Variants in SLC23A2 observed in about 807,000 individuals in gnomAD.
The protein encoded by SLC23A2 is solute carrier family 23 member 2, also known as Na(+)/L-ascorbic acid transporter 2.
In SLC23A2, 36 loss-of-function variants were observed where a neutral mutation model predicts 73.3. That is an observed-to-expected ratio of 0.49 (90% CI 0.38 to 0.65). The LOEUF is 0.65. Ranked by LOEUF, SLC23A2 falls within the 30% of genes least tolerant of loss-of-function variation. The pLI is 0.00. For missense variants in SLC23A2, 507 were observed against 841.6 expected, an observed-to-expected ratio of 0.60 and a Z score of 4.92; for synonymous variants, 343 against 327.3, an observed-to-expected ratio of 1.05 and a Z score of -0.52.
rs1396852501 is a variant in SLC23A2, at chr20:4,902,136, T to C, written c.324+306A>G. ...CTCCTGCCTCAGCCTCTTGAGTAGC[T>C]GGGACTGTGGGCACACACCACCACA... On this transcript the variant is annotated intron_variant, in intron 5 of 16. Coordinates refer to ENST00000338244, the MANE Select transcript of SLC23A2 (RefSeq NM_005116.6). This position sits in a 1 kb window ranked among gnomAD's most constrained non-coding sequence, Gnocchi z 4.0. Among the ~76,000 whole-genome samples the C allele has an allele frequency of 6.6e-6, 1 of 152,166 alleles. No individual in the cohort carries two copies. Among genetic ancestry groups the C allele is most frequent in the African/African-American group, 2.4e-5 (1 of 41,452 alleles).
chr20:4,983,846 T>C (rs1174891211), intron 1 of SLC23A2, among the ~76,000 whole-genome samples: 4 of 146,000 alleles, frequency 2.7e-5, no homozygotes, highest in South Asian at 2.2e-4. Context: ...ATCCCTGCTA[T>C]TCGGGAGGCT....
At chr20:4,861,219 G>C (rs1929953461) in intron 15 of SLC23A2, among the ~76,000 whole-genome samples, 3 of 152,226 alleles carry the variant, frequency 2.0e-5, no homozygotes, top group Non-Finnish European at 4.4e-5. Flanking sequence ...GGTGGGAGCA[G>C]GCGGTGATGG....
intron 1 of SLC23A2, among the ~76,000 whole-genome samples, chr20:5,008,874 C>A (rs2088219208): frequency 6.6e-6 from 1 of 152,072 alleles, no homozygotes; most frequent in African/African-American, 2.4e-5. Flanking sequence ...GCCCTACCAC[C>A]CTTGTCTTTG....
At chr20:4,879,299 C>T (rs557107624) in intron 9 of SLC23A2, among the ~76,000 whole-genome samples, 221 of 147,624 alleles carry the variant, frequency 1.5e-3, no homozygotes, top group African/African-American at 5.3e-3. Context: ...ATCCCAGCGA[C>T]TTGGGAGGCT....
chr20:4,877,985 A>C (rs1299106957), intron 9 of SLC23A2, among the ~76,000 whole-genome samples: 1 of 152,236 alleles, frequency 6.6e-6, no homozygotes, highest in Non-Finnish European at 1.5e-5. Flanking sequence ...AATCATGTAG[A>C]TAATACACAT....
chr20:4,909,469 T>C (rs971408824), intron 4 of SLC23A2, among the ~76,000 whole-genome samples: 12 of 152,194 alleles, frequency 7.9e-5, no homozygotes, highest in Admixed American at 3.9e-4. Flanking sequence ...TAGACAATCA[T>C]GTTAAAATGA....
chr20:4,877,815 T>C (rs561498693), intron 9 of SLC23A2, among the ~76,000 whole-genome samples: 1 of 152,274 alleles, frequency 6.6e-6, no homozygotes, highest in Admixed American at 6.5e-5. Context: ...AATAAAAAAA[T>C]AAGTTTTAAA....
chr20:4,967,631 T>C (rs1029636334), intron 2 of SLC23A2, among the ~76,000 whole-genome samples: 3 of 152,222 alleles, frequency 2.0e-5, no homozygotes, highest in African/African-American at 7.2e-5. Flanking sequence ...AAATGAGACA[T>C]TGACGTCAAC....
At chr20:4,858,461 G>C (rs919060827) in intron 16 of SLC23A2, among the ~76,000 whole-genome samples, 1 of 152,156 alleles carries the variant, frequency 6.6e-6, no homozygotes, top group African/African-American at 2.4e-5. Flanking sequence ...CTTAAATCCA[G>C]TGCCTTCCAT....
chr20:4,870,949 C>A (rs147258907), intron 11 of SLC23A2, among the ~76,000 whole-genome samples: 216 of 152,292 alleles, frequency 1.4e-3, no homozygotes, highest in African/African-American at 4.8e-3. Context: ...CAAAGTGAGG[C>A]CCCACTGAAA....
chr20:4,870,586 A>G (rs1161800588), intron 11 of SLC23A2, among the ~76,000 whole-genome samples: 2 of 152,116 alleles, frequency 1.3e-5, no homozygotes, highest in Non-Finnish European at 2.9e-5. Flanking sequence ...CAAAAAAAAA[A>G]AAGAAGAAAA....
chr20:4,876,088 C>T (rs769795922), intron 9 of SLC23A2, among the ~76,000 whole-genome samples: 6 of 152,232 alleles, frequency 3.9e-5, no homozygotes, highest in South Asian at 2.1e-4. Context: ...ACAGTGCCCA[C>T]GTTATTTCAA....
chr20:4,989,034 T>A lies in SLC23A2; in HGVS notation c.-282+12372A>T, dbSNP rs560157833. The stretch of plus-strand genomic sequence containing the variant: ...GGTGGATCACAAGGTCAGGAGGGAG[T>A]TCGAGACCAGCCTGACCAATGTGGT... On this transcript the variant is annotated intron_variant, in intron 1 of 16. Coordinates refer to ENST00000338244, the MANE Select transcript of SLC23A2 (RefSeq NM_005116.6). Among the ~76,000 whole-genome samples the A allele has an allele frequency of 2.6e-5, 4 of 151,200 alleles. No homozygotes were observed. The East Asian group carries it at 5.9e-4, about 22-fold the overall frequency.
At chr20:4,962,109 T>C (rs1405574912) in intron 2 of SLC23A2, among the ~76,000 whole-genome samples, 1 of 149,986 alleles carries the variant, frequency 6.7e-6, no homozygotes, top group East Asian at 1.9e-4. Flanking sequence ...GAAGTGACTA[T>C]GGAAGAAGAA....
chr20:4,931,107 C>T (rs1315125189), intron 3 of SLC23A2, among the ~76,000 whole-genome samples: 4 of 145,158 alleles, frequency 2.8e-5, no homozygotes, highest in East Asian at 2.0e-4. Context: ...CCTCCAAGGC[C>T]GGAGGATTGC....
In SLC23A2 at chr20:4,990,363, T is replaced by G. The variant is rs549270303; in HGVS notation, c.-282+11043A>C. Among the ~76,000 whole-genome samples, 59 of 151,694 alleles carry G rather than the reference T, an allele frequency of 3.9e-4. 1 individual carries two copies. The South Asian group carries it at 0.011, about 29-fold the overall frequency. On this transcript the variant is annotated intron_variant, in intron 1 of 16. Transcript: ENST00000338244. ...GCAAGATTCCATCTCTAGCTTATTT[T>G]TTATTTTATTTTATGGTTTTTTTTG...
intron 11 of SLC23A2, among the ~76,000 whole-genome samples, chr20:4,871,095 G>A (rs1930429490): frequency 1.3e-5 from 2 of 152,148 alleles, no homozygotes; most frequent in South Asian, 4.1e-4. Flanking sequence ...AGAATGAATA[G>A]ACTCCTTTGA....
chr20:4,981,988 A>G (rs1402770561), intron 1 of SLC23A2, among the ~76,000 whole-genome samples: 1 of 149,802 alleles, frequency 6.7e-6, no homozygotes, highest in African/African-American at 2.5e-5. Context: ...GGCATGAGCC[A>G]CCGTGCCCAG....
upstream of SLC23A2, among the ~76,000 whole-genome samples, chr20:5,006,452 TG>T (rs1400104725): frequency 2.0e-5 from 3 of 152,076 alleles, no homozygotes; most frequent in Non-Finnish European, 4.4e-5. Context: ...TAATAGAATT[TG>T]GGGGGTGGGG....
Sources: gnomAD v4.1 joint callset for allele counts (sites outside exome capture counted in the v4.1 genomes callset) on GRCh38, gnomAD v4.1.1 for gene constraint, Gnocchi (gnomAD v3.1) non-coding constraint, MANE v1.5 for transcripts, NCBI Gene and HGNC (gene_info 2026-07-23, HGNC 2026-07-21) for gene names.